The following SLC8A1 variants were observed in gnomAD, a reference collection of about 807,000 sequenced individuals.
SLC8A1 encodes solute carrier family 8 member A1.
Under a neutral mutation model 68.3 loss-of-function variants are expected in SLC8A1, and 18 were observed. The observed-to-expected ratio is 0.26, with a 90% confidence interval of 0.18 to 0.39. SLC8A1 has a LOEUF of 0.39. Among genes scored for constraint, SLC8A1 ranks in the 10% least tolerant of loss-of-function variants. SLC8A1 has a pLI of 1.00. For synonymous variants in SLC8A1, 475 were observed against 415.5 expected (o/e 1.14, Z -1.74); for missense variants, 985 against 1,156.7 (o/e 0.85, Z 2.15).
chr2:40,291,399 C>T (rs956576470), intron 2 of SLC8A1, among the ~76,000 whole-genome samples: 1 of 152,088 alleles, frequency 6.6e-6, no homozygotes, highest in Non-Finnish European at 1.5e-5. Flanking sequence ...TGCTTTGCAT[C>T]AACAATAGAA....
rs571830308 is a variant in SLC8A1, at chr2:40,322,992, C to T, written c.1808+105481G>A. 4.6e-5 allele frequency among the ~76,000 whole-genome samples: 7 copies of T among 151,994 alleles called. No homozygotes were observed. In the South Asian group the frequency reaches 1.2e-3, roughly 27 times the overall value. On this transcript the variant is annotated intron_variant, in intron 2 of 7. Coordinates refer to ENST00000406785, the Ensembl canonical transcript of SLC8A1. ...AGAGGCATATTCCATTTCATTTTTG[C>T]TAAAATTTTAGTTCAATAATTTTTA...
chr2:40,408,789 A>G (rs1691182893), intron 2 of SLC8A1, among the ~76,000 whole-genome samples: 1 of 152,152 alleles, frequency 6.6e-6, no homozygotes, highest in South Asian at 2.1e-4. Context: ...ATACAAATTT[A>G]TTATCCCTTG....
chr2:40,144,912 C>T (rs991061094), intron 6 of SLC8A1, among the ~76,000 whole-genome samples: 5 of 152,112 alleles, frequency 3.3e-5, no homozygotes, highest in Non-Finnish European at 4.4e-5. Flanking sequence ...CATCTAGTTA[C>T]TTTTTCCTGT....
intron 2 of SLC8A1, chr2:40,337,356 C>T (rs1008336293): frequency 2.6e-5 from 9 of 345,778 alleles, no homozygotes; most frequent in African/African-American, 1.4e-4. Flanking sequence ...CTCAAGACAG[C>T]TCAGTCGTAC....
intron 2 of SLC8A1, among the ~76,000 whole-genome samples, chr2:40,300,345 C>T (rs2071220634): frequency 6.6e-6 from 1 of 152,138 alleles, no homozygotes; most frequent in Admixed American, 6.5e-5. Flanking sequence ...AGACAGGTCA[C>T]ATACCTAATA....
At chr2:40,510,010 T>A (rs1195879563) in intron 1 of SLC8A1, among the ~76,000 whole-genome samples, 1 of 152,134 alleles carries the variant, frequency 6.6e-6, no homozygotes, top group Non-Finnish European at 1.5e-5. Context: ...GTATTTTTAG[T>A]AGAGACCGGG....
intron 2 of SLC8A1, among the ~76,000 whole-genome samples, chr2:40,283,623 A>G (rs1176809054): frequency 1.3e-5 from 2 of 152,182 alleles, no homozygotes; most frequent in Admixed American, 6.5e-5. Context: ...AAAAATGAAC[A>G]TTGCTTAATT....
intron 2 of SLC8A1, among the ~76,000 whole-genome samples, chr2:40,269,312 C>T (rs1253761132): frequency 6.6e-6 from 1 of 152,100 alleles, no homozygotes; most frequent in Non-Finnish European, 1.5e-5. Context: ...GGTATTAAGG[C>T]CAATGCTTTT....
chr2:40,221,669 A>T (rs774126299), intron 2 of SLC8A1, among the ~76,000 whole-genome samples: 1 of 152,250 alleles, frequency 6.6e-6, no homozygotes, highest in African/African-American at 2.4e-5. Flanking sequence ...AAGCAACTTC[A>T]GCAAAGTCTC....
intron 2 of SLC8A1, among the ~76,000 whole-genome samples, chr2:40,197,661 C>T (rs1374440707): frequency 6.6e-6 from 1 of 151,410 alleles, no homozygotes; most frequent in Admixed American, 6.6e-5. Context: ...AAAGGAAATT[C>T]AGTATTCTTA....
intron 2 of SLC8A1, among the ~76,000 whole-genome samples, chr2:40,202,302 A>G (rs11674102): frequency 0.64 from 96,490 of 151,816 alleles, 31,996 homozygotes; most frequent in Non-Finnish European, 0.75. Context: ...CCTTTTAGAT[A>G]TAGCTGTTAG....
Position 40,348,670 on chromosome 2 carries a change from G to A in SLC8A1, c.1808+79803C>T, listed in dbSNP as rs74940332. Among the ~76,000 whole-genome samples the A allele has an allele frequency of 5.5e-3, 840 of 152,140 alleles. 3 individuals are homozygous for A. The highest frequency in any genetic ancestry group is 9.6e-3 in the Non-Finnish European group (654 of 67,992). On this transcript the variant is annotated intron_variant, in intron 2 of 7. Transcript: ENST00000406785. ...GGGTCTTGCAGAACCTCTGCACTCC[G>A]GGGTCTCAGGGCAGCTAGTGCTGAA...
At chr2:40,162,164 T>G (rs1275671346) in intron 5 of SLC8A1, among the ~76,000 whole-genome samples, 3 of 152,206 alleles carry the variant, frequency 2.0e-5, no homozygotes, top group Non-Finnish European at 4.4e-5. Flanking sequence ...GCTTCCAGCT[T>G]TGTGTCTAGA....
At chr2:40,219,648 C>T (rs1414669212) in intron 2 of SLC8A1, among the ~76,000 whole-genome samples, 1 of 152,108 alleles carries the variant, frequency 6.6e-6, no homozygotes, top group Non-Finnish European at 1.5e-5. Flanking sequence ...TTTTTCTTCT[C>T]TTCAGACTTT....
intron 2 of SLC8A1, among the ~76,000 whole-genome samples, chr2:40,215,093 T>A (rs1396135664): frequency 1.3e-5 from 2 of 152,206 alleles, no homozygotes; most frequent in Non-Finnish European, 2.9e-5. Context: ...TTTAATAGTT[T>A]CAATTCTTTT....
intron 1 of SLC8A1, among the ~76,000 whole-genome samples, chr2:40,449,230 A>G (rs1394316622): frequency 6.6e-6 from 1 of 151,830 alleles, no homozygotes; most frequent in Non-Finnish European, 1.5e-5. Context: ...TTACTTTGAG[A>G]CAACCACATC....
At chr2:40,446,711 G>C (rs538853270) in intron 1 of SLC8A1, 2 of 152,286 alleles carry the variant, frequency 1.3e-5, no homozygotes, top group South Asian at 2.1e-4. Context: ...ACCATTACTT[G>C]TTAGCCCTTG....
At chr2:40,483,542 A>G (rs2149915335) in intron 1 of SLC8A1, among the ~76,000 whole-genome samples, 1 of 152,316 alleles carries the variant, frequency 6.6e-6, no homozygotes, top group South Asian at 2.1e-4. Flanking sequence ...GAAAAAACTA[A>G]CAGAGACTGC....
rs2048846762 is a variant in SLC8A1 at position 40,178,311 on chromosome 2, C to A, written c.1809-456G>T. ...GGATGTGTGCATTGTAAGTCATGTT[C>A]TGAAGAGTGCAGGCATCCAGGGGTG... On this transcript the variant is annotated intron_variant, in intron 2 of 7. Transcript: ENST00000406785. 5 of 1,066,692 alleles carry A rather than the reference C, an allele frequency of 4.7e-6. No homozygotes were observed. In the South Asian group the frequency reaches 5.1e-5, roughly 11 times the overall value. 66.1% of individuals were successfully genotyped at this position (1,066,692 alleles called of 1,614,324 possible).
Sources: gnomAD v4.1 joint callset for allele counts (sites outside exome capture counted in the v4.1 genomes callset) on GRCh38, gnomAD v4.1.1 for gene constraint, MANE v1.5 for transcripts, NCBI Gene and HGNC (gene_info 2026-07-23, HGNC 2026-07-21) for gene names.